TTN: variants seen among roughly 807,000 people sequenced by gnomAD.
The protein encoded by TTN is connectin.
Under a neutral mutation model 3,223.0 loss-of-function variants are expected in TTN, and 1,525 were observed. That is an observed-to-expected ratio of 0.47 (90% CI 0.45 to 0.49). TTN has a LOEUF of 0.49. TTN is among the 20% of genes least tolerant of loss of function. The pLI is 0.00. For missense variants in TTN, 40,786 were observed against 43,424.0 expected (o/e 0.94, Z 5.40); for synonymous variants, 14,094 against 15,161.0 (o/e 0.93, Z 5.17).
At position 178,652,479 on chromosome 2, in the gene TTN, G is replaced by T. The variant is rs2063203204; in HGVS notation, c.39106C>A (p.Pro13036Thr). The T allele has an allele frequency of 6.2e-7, 1 of 1,613,530 alleles. No homozygotes were observed. Among genetic ancestry groups the T allele is most frequent in the South Asian group, 1.1e-5 (1 of 91,056 alleles). Residue 13036 changes from proline (P) to threonine (T), a missense_variant, in exon 202 of 363, where the codon CCT (proline) becomes ACT (threonine). Physicochemically the swap from Pro to Thr is conservative, Grantham distance 38. Coordinates refer to ENST00000589042, the MANE Select transcript of TTN (RefSeq NM_001267550.2). ...ATACCTTTAACAGGTGTGACTTCAG[G>T]CTTTTTAGGAGGAGCCGCTGGCACT... ...KKVPAAPPKK[P>T]EVTPVKVPEA...
rs370461936 is a variant in TTN at position 178,601,345 on chromosome 2, A to G, written c.55652T>C (p.Phe18551Ser). ...PDLLSEQQYF[F>S]RVRAENRFGI... ...AAAACGGTTTTCTGCTCGCACACGG[A>G]AGAAATATTGCTGTTCAGAGAGGAG... The change falls in exon 287 of 363, where the codon TTC becomes TCC. Residue 18551 changes from phenylalanine to serine, a missense_variant. Coordinates refer to ENST00000589042, the MANE Select transcript of TTN (RefSeq NM_001267550.2). The G allele has an allele frequency of 2.5e-6, 4 of 1,611,256 alleles. No individual in the cohort carries two copies. The highest frequency in any genetic ancestry group is 3.4e-6 in the Non-Finnish European group (4 of 1,178,380).
At position 178,552,260 on chromosome 2, in the gene TTN, C is replaced by T. The variant is rs769553778; in HGVS notation, c.90640G>A (p.Ala30214Thr). The T allele has an allele frequency of 1.2e-6, 2 of 1,613,438 alleles. No homozygotes were observed. Among genetic ancestry groups the T allele is most frequent in the South Asian group, 1.1e-5 (1 of 90,992 alleles). ...AGGGTGATGACTGTAATGGGGACTG[C>T]AATTCTACACACTGCATTATCAAGA... ...VILDNAVCRI[A>T]VPITVITLGP... The change falls in exon 335 of 363, where the codon GCA becomes ACA. Residue 30214 changes from alanine to threonine, a missense_variant. By Grantham distance (58) the Ala-to-Thr change is moderately conservative. Transcript: ENST00000589042.
chr2:178,672,249 TC>T lies in TTN; in HGVS notation c.34948del (p.Glu11650LysfsTer11). ...TTGGCGGAAGGCAACTGATACTTTT[TC>T]TTCAAGGACAGTTCTCCCTGAAAGA... ...PPAKGRTVLEEKVSVAFRQEV... is the reference protein window; with the variant it reads ...PPAKGRTVLEXKVSVAFRQEV... On this transcript the variant is annotated frameshift_variant, in exon 155 of 363. Coordinates refer to ENST00000589042, the MANE Select transcript of TTN (RefSeq NM_001267550.2). LOFTEE classifies it high-confidence loss of function. 1 of 1,574,288 alleles carries T rather than the reference TC, an allele frequency of 6.4e-7. No homozygotes were observed. Among genetic ancestry groups the T allele is most frequent in the Non-Finnish European group, 8.6e-7 (1 of 1,158,950 alleles).
At chr2:178,799,193 GC>G in intron 6 of TTN, 1 of 399,522 alleles carries the variant, frequency 2.5e-6, no homozygotes, top group Non-Finnish European at 4.7e-6. Context: ...CTGCCTTCCC[GC>G]CCAAATGTTG....
Position 178,610,470 on chromosome 2 carries a change from T to A in TTN, c.51137-81A>T, listed in dbSNP as rs770691760. On this transcript the variant is annotated intron_variant, in intron 270 of 362. Transcript: ENST00000589042. ...ATGCACTTGTCTCTAAGTGGGGCTA[T>A]CTGTATTTTGGGTAGGATAATCTTT... 1.9e-4 allele frequency: 281 copies of A among 1,458,720 alleles called. 2 individuals carry two copies. Among genetic ancestry groups the A allele is most frequent in the Non-Finnish European group, 2.3e-5 (24 of 1,060,418 alleles). 90.4% of individuals were successfully genotyped at this position (1,458,720 alleles called of 1,614,324 possible). A position where few individuals can be genotyped will look rare whatever the true frequency, so the allele number is the denominator to read the frequency against.
chr2:178,563,499 C>T lies in TTN; in HGVS notation c.82633G>A (p.Ala27545Thr), dbSNP rs770320388. 6.2e-7 allele frequency: 1 copy of T among 1,613,794 alleles called. No homozygotes were observed. Among genetic ancestry groups the T allele is most frequent in the Non-Finnish European group, 8.5e-7 (1 of 1,179,776 alleles). The change falls in exon 326 of 363, where the codon GCT becomes ACT. Residue 27545 changes from alanine to threonine, a missense_variant. Physicochemically the swap from Ala to Thr is moderately conservative, Grantham distance 58. Coordinates refer to ENST00000589042, the MANE Select transcript of TTN (RefSeq NM_001267550.2). The surrounding 1 kb of genome is among the most constrained non-coding windows in gnomAD (Gnocchi z 4.5). The stretch of plus-strand genomic sequence containing the variant: ...CCCACACCAGCTGCATTTTCAGCAG[C>T]AACTCTGAATTCATAGGAATGGCCT... ...TEGHSYEFRV[A>T]AENAAGVGEP...
Position 178,717,221 on chromosome 2 carries a change from T to A in TTN, c.25513A>T (p.Thr8505Ser). The A allele has an allele frequency of 6.2e-7, 1 of 1,613,680 alleles. No individual in the cohort carries two copies. The highest frequency in any genetic ancestry group is 1.6e-4 in the Middle Eastern group (1 of 6,062). Residue 8505 changes from threonine to serine, a missense_variant, in exon 88 of 363, where the codon ACT becomes TCT. Transcript: ENST00000589042. The stretch of plus-strand genomic sequence containing the variant: ...AGAGTGGCAGTATTTTCTACCAAAG[T>A]CATCTTGTAGTTGCCTCCAGGGCGA... ...EIRPGGNYKM[T>S]LVENTATLTV... is the part of the protein sequence containing the mutation.
Position 178,556,952 on chromosome 2 carries a change from G to T in TTN, c.88202C>A (p.Thr29401Asn). ...TETQFIISGL[T>N]QNSQYEFRVF... ...ACGGAATTCATACTGGGAATTCTGA[G>T]TCAAGCCAGAGATGATGAATTGAGT... is the stretch of plus-strand genomic sequence containing the variant. Residue 29401 changes from threonine to asparagine, a missense_variant, in exon 330 of 363, where the codon ACT becomes AAT. Physicochemically the swap from Thr to Asn is moderately conservative, Grantham distance 65. Coordinates refer to ENST00000589042, the MANE Select transcript of TTN (RefSeq NM_001267550.2). The T allele has an allele frequency of 6.2e-7, 1 of 1,613,828 alleles. No individual in the cohort carries two copies. Among genetic ancestry groups the T allele is most frequent in the Non-Finnish European group, 8.5e-7 (1 of 1,179,824 alleles).
Position 178,609,742 on chromosome 2 carries a change from G to T in TTN, c.51681C>A (p.Ala17227=). ...CCCGAGAAGGTTCACTAATACCCGCGGCGTTCTCTGCTCGCACACGGAATT... is the reference window on the plus strand; with the variant it reads ...CCCGAGAAGGTTCACTAATACCCGCTGCGTTCTCTGCTCGCACACGGAATT... The part of the protein sequence containing the change: ...EYQFRVRAEN[A]AGISEPSRAT... Residue 17227 remains alanine (A), a synonymous_variant, in exon 272 of 363, where the codon GCC becomes GCA. Coordinates refer to ENST00000589042, the MANE Select transcript of TTN (RefSeq NM_001267550.2). 6.2e-7 allele frequency: 1 copy of T among 1,612,124 alleles called. No individual in the cohort carries two copies. Among genetic ancestry groups the T allele is most frequent in the Non-Finnish European group, 8.5e-7 (1 of 1,178,760 alleles).
At position 178,577,132 on chromosome 2, in the gene TTN, C is replaced by T. The variant is rs528841156; in HGVS notation, c.69203G>A (p.Gly23068Asp). The T allele has an allele frequency of 1.9e-6, 3 of 1,613,108 alleles. No homozygotes were observed. The Admixed American group carries it at 5.0e-5, about 27-fold the overall frequency. The stretch of plus-strand genomic sequence containing the variant: ...TATATAGGACTTAATTGGTGAGCCG[C>T]CATCTTCCAAGGGAGGTGTCCATGT... ...TLTWTPPLEDGGSPIKSYILE... is the reference protein window; with the variant it reads ...TLTWTPPLEDDGSPIKSYILE... Residue 23068 changes from glycine (G) to aspartate (D), a missense_variant, in exon 324 of 363, where the codon GGC becomes GAC. Transcript: ENST00000589042.
rs886055250 is a variant in TTN at position 178,575,535 on chromosome 2, G to A, written c.70597C>T (p.Pro23533Ser). Residue 23533 changes from proline (P) to serine (S), a missense_variant, in exon 326 of 363, where the codon CCA (proline) becomes TCA (serine). Pro to Ser is a moderately conservative substitution (Grantham distance 74). Coordinates refer to ENST00000589042, the MANE Select transcript of TTN (RefSeq NM_001267550.2). This position sits in a 1 kb window ranked among gnomAD's most constrained non-coding sequence, Gnocchi z 4.0. ...TTEPVKASEA[P>S]SPPDSLNIMD... Reference sequence around the variant, plus strand: ...ATGTTAAGGCTGTCTGGTGGAGATGGTGCTTCAGAGGCTTTTACGGGCTCT... The same window carrying A: ...ATGTTAAGGCTGTCTGGTGGAGATGATGCTTCAGAGGCTTTTACGGGCTCT... The A allele has an allele frequency of 6.2e-7, 1 of 1,613,686 alleles. No homozygotes were observed.
intron 47 of TTN, chr2:178,750,872 A>T: frequency 1.2e-6 from 2 of 1,613,058 alleles, no homozygotes; most frequent in Non-Finnish European, 1.7e-6. Context: ...AGTATTGGCC[A>T]TAATTTCTTC....
Position 178,713,369 on chromosome 2 carries a change from C to T in TTN, c.26765G>A (p.Arg8922Gln), listed in dbSNP as rs397517520. The change falls in exon 93 of 363, where the codon CGA becomes CAA. Residue 8922 changes from arginine (R) to glutamine (Q), a missense_variant. By Grantham distance (43) the Arg-to-Gln change is conservative. Coordinates refer to ENST00000589042, the MANE Select transcript of TTN (RefSeq NM_001267550.2). The stretch of plus-strand genomic sequence containing the variant: ...TCTTGTGAATGAAGGAGGAACGGTT[C>T]GGTCTGAATGATACAAAACAAAACA... ...SCTASLQVSD[R>Q]TVPPSFTRKL... 2.1e-5 allele frequency: 31 copies of T among 1,502,090 alleles called. No individual in the cohort carries two copies. In the South Asian group the frequency reaches 2.1e-4, roughly 10 times the overall value. 93.0% of individuals were successfully genotyped at this position (1,502,090 alleles called of 1,614,324 possible).
Position 178,567,343 on chromosome 2 carries a change from C to G in TTN, c.78789G>C (p.Gln26263His), listed in dbSNP as rs770600641. ...VKDAIRIDGG[Q>H]YILRASNVAG... is the part of the protein sequence containing the mutation. Reference sequence around the variant, plus strand: ...CAACATTGGAAGCTCTTAAAATATACTGCCCACCATCAATTCTAATTGCAT... The same window carrying G: ...CAACATTGGAAGCTCTTAAAATATAGTGCCCACCATCAATTCTAATTGCAT... Residue 26263 changes from glutamine to histidine, a missense_variant, in exon 326 of 363, where the codon CAG (glutamine) becomes CAC (histidine). Coordinates refer to ENST00000589042, the MANE Select transcript of TTN (RefSeq NM_001267550.2). 1 of 1,599,636 alleles carries G rather than the reference C, an allele frequency of 6.3e-7. No homozygotes were observed. Among genetic ancestry groups the G allele is most frequent in the South Asian group, 1.1e-5 (1 of 87,786 alleles).
At chr2:178,540,008 G>A in intron 351 of TTN, 42 bp from the exon 352 acceptor site, 2 of 1,603,970 alleles carry the variant, frequency 1.2e-6, no homozygotes, top group East Asian at 4.5e-5. Context: ...TTTGGGGTAG[G>A]GGGACTAAGA....
Position 178,570,252 on chromosome 2 carries a change from C to G in TTN, c.75880G>C (p.Glu25294Gln). 1 of 1,613,390 alleles carries G rather than the reference C, an allele frequency of 6.2e-7. No individual in the cohort carries two copies. Among genetic ancestry groups the G allele is most frequent in the Non-Finnish European group, 8.5e-7 (1 of 1,179,628 alleles). The part of the protein sequence containing the change: ...KYGVGEPLES[E>Q]PVVAKNPFVV... ...AATGGATTCTTGGCAACTACTGGCT[C>G]AGATTCAAGAGGTTCACCAACACCA... The change falls in exon 326 of 363, where the codon GAG becomes CAG. Residue 25294 changes from glutamate to glutamine, a missense_variant. Transcript: ENST00000589042.
At position 178,567,808 on chromosome 2, in the gene TTN, C is replaced by G; in HGVS notation, c.78324G>C (p.Gln26108His). Residue 26108 changes from glutamine (Q) to histidine (H), a missense_variant, in exon 326 of 363, where the codon CAG becomes CAC. Coordinates refer to ENST00000589042, the MANE Select transcript of TTN (RefSeq NM_001267550.2). ...CACCATCATACACAGGTTTGGTCCA[C>G]TGTAAAGTGATTTCATTTCTTTTAA... ...IMVKRNEITL[Q>H]WTKPVYDGGS... is the part of the protein sequence containing the mutation. 4 of 1,613,542 alleles carry G rather than the reference C, an allele frequency of 2.5e-6. No homozygotes were observed. The highest frequency in any genetic ancestry group is 3.4e-6 in the Non-Finnish European group (4 of 1,179,600).
chr2:178,695,786 A>G, intron 114 of TTN, 79 bp downstream of exon 114: 1 of 1,122,382 alleles, frequency 8.9e-7, no homozygotes, highest in Non-Finnish European at 1.2e-6. Context: ...ACTGCAAATC[A>G]GGTTCATAGC....
In TTN at chr2:178,608,240, T is replaced by A; in HGVS notation, c.52643A>T (p.Asn17548Ile). The A allele has an allele frequency of 6.2e-7, 1 of 1,607,520 alleles. No individual in the cohort carries two copies. The highest frequency in any genetic ancestry group is 8.5e-7 in the Non-Finnish European group (1 of 1,176,298). Residue 17548 changes from asparagine (N) to isoleucine (I), a missense_variant, in exon 275 of 363, where the codon AAT (asparagine) becomes ATT (isoleucine). Coordinates refer to ENST00000589042, the MANE Select transcript of TTN (RefSeq NM_001267550.2). The part of the protein sequence containing the change: ...LTYVFRVCAE[N>I]AAGPGKFSPP... ...ACTGAACTTTCCAGGTCCAGCTGCA[T>A]TTTCAGCACATACTCTGAAGACATA... is the stretch of plus-strand genomic sequence containing the variant.
Sources: allele counts gnomAD v4.1 joint callset, GRCh38; gene constraint gnomAD v4.1.1; non-coding constraint Gnocchi (gnomAD v3.1); transcripts MANE v1.5; gene names NCBI Gene and HGNC (gene_info 2026-07-23, HGNC 2026-07-21).